TTC21B: variants seen among roughly 807,000 people sequenced by gnomAD.
TTC21B encodes the protein tetratricopeptide repeat domain 21B, also known as tetratricopeptide repeat protein 21B.
TTC21B carries 127 observed loss-of-function variants against 175.1 expected under a neutral mutation model. The observed-to-expected ratio is 0.73, with a 90% CI of 0.63 to 0.84. The LOEUF is 0.84. TTC21B is among the 40% of genes least tolerant of loss of function. The probability of loss-of-function intolerance (pLI) is 0.00; values close to 1 mark genes in which losing one functional copy is unlikely to be tolerated. For missense variants in TTC21B, 1,561 were observed against 1,558.3 expected (o/e 1.00, Z -0.03); for synonymous variants, 524 against 524.5 (o/e 1.00, Z 0.01).
intron 6 of TTC21B, among the ~76,000 whole-genome samples, chr2:165,939,996 C>T (rs1321181236): frequency 1.3e-5 from 2 of 152,164 alleles, no homozygotes; most frequent in Admixed American, 6.5e-5. Flanking sequence ...CTTAGGGTTA[C>T]CCTAGGAATA....
At chr2:165,906,643 C>G (rs1395129987) in intron 19 of TTC21B, among the ~76,000 whole-genome samples, 1 of 151,966 alleles carries the variant, frequency 6.6e-6, no homozygotes, top group Non-Finnish European at 1.5e-5. Context: ...ATGAATTATT[C>G]CAAACATCAA....
intron 8 of TTC21B, among the ~76,000 whole-genome samples, chr2:165,930,776 G>T (rs1490875995): frequency 1.0e-5 from 1 of 99,858 alleles, no homozygotes; most frequent in Non-Finnish European, 2.6e-5. Flanking sequence ...TATAATATAT[G>T]TATGCTTTTT....
chr2:165,929,499 T>TA (rs1403742335), intron 10 of TTC21B, 151 bp downstream of exon 10: 1 of 892,528 alleles, frequency 1.1e-6, no homozygotes, highest in African/African-American at 1.7e-5. Context: ...GAATAAAGTT[T>TA]AGTTTTGAAT....
chr2:165,890,913 A>AAAAAT lies in TTC21B; in HGVS notation c.3021_3025dup (p.Phe1009TyrfsTer57), dbSNP rs1553506928. On this transcript the variant is annotated frameshift_variant, in exon 23 of 29. Transcript: ENST00000243344. LOFTEE classifies it high-confidence loss of function. The stretch of plus-strand genomic sequence containing the variant: ...GGAGTTACGTTTCTCAGCCATTGAG[A>AAAAAT]AAAATCTTGGGACATCCTCGAGTTT... The AAAAAT allele has an allele frequency of 8.1e-6, 13 of 1,613,414 alleles. No individual in the cohort carries two copies. Among genetic ancestry groups the AAAAAT allele is most frequent in the Non-Finnish European group, 1.1e-5 (13 of 1,179,562 alleles).
At chr2:165,883,739 T>C (rs1684909083) in intron 26 of TTC21B, 55 bp downstream of exon 26, 3 of 1,379,380 alleles carry the variant, frequency 2.2e-6, no homozygotes, top group Admixed American at 1.7e-5. Context: ...AATATCTATA[T>C]GGAAAGCTTA....
At chr2:165,913,736 TAG>T in intron 15 of TTC21B, 90 bp from the exon 16 acceptor site, 2 of 1,140,466 alleles carry the variant, frequency 1.8e-6, no homozygotes, top group Non-Finnish European at 2.6e-6. Context: ...TCCCTTATTT[TAG>T]TTAGCCAGTA....
intron 28 of TTC21B, among the ~76,000 whole-genome samples, chr2:165,875,343 A>G (rs1448299050): frequency 6.6e-6 from 1 of 152,024 alleles, no homozygotes; most frequent in East Asian, 1.9e-4. Context: ...AACCTGACTG[A>G]AATACTGCTT....
chr2:165,948,367 A>G (rs1259241652), intron 3 of TTC21B: 1 of 152,226 alleles, frequency 6.6e-6, no homozygotes, highest in African/African-American at 2.4e-5. Flanking sequence ...TGAACCACTT[A>G]TTAGAATTCT....
At chr2:165,935,952 T>A (rs1006614266) in intron 6 of TTC21B, among the ~76,000 whole-genome samples, 2 of 135,828 alleles carry the variant, frequency 1.5e-5, no homozygotes, top group African/African-American at 5.0e-5. Flanking sequence ...TTTGAGGATA[T>A]TGACAAACTC....
intron 6 of TTC21B, 60 bp from the exon 7 acceptor site, chr2:165,933,117 G>A (rs1300539474): frequency 1.3e-6 from 2 of 1,514,480 alleles, no homozygotes; most frequent in Non-Finnish European, 1.8e-6. Context: ...TTTATTCGAG[G>A]GCATGAAAAG....
At position 165,901,719 on chromosome 2, in the gene TTC21B, G is replaced by C; in HGVS notation, c.2757+3C>G. Reference sequence around the variant, plus strand: ...GTATTTAAAATTTTATAAAGGTACTGACCTTATTATCTGTTTCGCAGTGAA... The same window carrying C: ...GTATTTAAAATTTTATAAAGGTACTCACCTTATTATCTGTTTCGCAGTGAA... On this transcript the variant is annotated splice_donor_region_variant and intron_variant, in intron 20 of 28. Coordinates refer to ENST00000243344, the MANE Select transcript of TTC21B (RefSeq NM_024753.5). 6.2e-7 allele frequency: 1 copy of C among 1,612,870 alleles called. No homozygotes were observed. The highest frequency in any genetic ancestry group is 1.7e-4 in the Middle Eastern group (1 of 6,058).
chr2:165,921,543 T>A (rs932653009), intron 12 of TTC21B, among the ~76,000 whole-genome samples: 70 of 152,192 alleles, frequency 4.6e-4, no homozygotes, highest in African/African-American at 1.5e-3. Context: ...TCTAGTAAAT[T>A]AATGAAACTG....
intron 27 of TTC21B, among the ~76,000 whole-genome samples, chr2:165,877,246 A>G (rs1011788806): frequency 4.6e-5 from 7 of 152,238 alleles, no homozygotes; most frequent in African/African-American, 1.4e-4. Flanking sequence ...AGCTCTAATA[A>G]AAGTACCAAA....
rs59806477 is a variant in TTC21B at position 165,947,169 on chromosome 2, C to CATATATATATATATATATATATATAT, written c.263-1480_263-1479insATATATATATATATATATATATATAT. On this transcript the variant is annotated intron_variant, in intron 3 of 28. Coordinates refer to ENST00000243344, the MANE Select transcript of TTC21B (RefSeq NM_024753.5). ...CTCTCTCTCTCTCTCTCCCCTCCCC[C>CATATATATATATATATATATATATAT]ATATATATATATATATATATATATT... is the stretch of plus-strand genomic sequence containing the variant. 7.8e-3 allele frequency: 715 copies of CATATATATATATATATATATATATAT among 91,480 alleles called. 25 individuals carry two copies. The highest frequency in any genetic ancestry group is 0.012 in the East Asian group (25 of 2,102). The allele number at this position is 91,480 out of a possible 1,614,324, so 5.7% of individuals were successfully genotyped here. A position where few individuals can be genotyped will look rare whatever the true frequency, so the allele number is the denominator to read the frequency against.
chr2:165,901,913 AG>A lies in TTC21B; in HGVS notation c.2569-4del. ...ACCCGAGCTTGTAATTCTCGAGCCTAGAAAAAATCAGTATAAAAGGGAATAA... is the reference window on the plus strand; with the variant it reads ...ACCCGAGCTTGTAATTCTCGAGCCTAAAAAAATCAGTATAAAAGGGAATAA... On this transcript the variant is annotated splice_polypyrimidine_tract_variant and splice_region_variant and intron_variant, in intron 19 of 28. Transcript: ENST00000243344. The A allele has an allele frequency of 6.2e-7, 1 of 1,612,696 alleles. No homozygotes were observed. The highest frequency in any genetic ancestry group is 1.1e-5 in the South Asian group (1 of 91,052).
chr2:165,945,596 C>T lies in TTC21B; in HGVS notation c.357G>A (p.Trp119Ter), dbSNP rs764277644. Reference protein sequence around the residue: ...KALYHAGLFLWHIGRHDKARE... With the variant: ...KALYHAGLFL ...TTGCTTTATCATGGCGACCAATGTG[C>T]CATAAAAATAAGCCTGCATGGTATA... Residue 119 changes from tryptophan to a stop codon, truncating the protein, a stop_gained, in exon 4 of 29, where the codon TGG becomes TGA. Coordinates refer to ENST00000243344, the MANE Select transcript of TTC21B (RefSeq NM_024753.5). LOFTEE classifies it high-confidence loss of function. 9 of 1,613,768 alleles carry T rather than the reference C, an allele frequency of 5.6e-6. No homozygotes were observed. Among genetic ancestry groups the T allele is most frequent in the Non-Finnish European group, 7.6e-6 (9 of 1,179,942 alleles).
chr2:165,881,984 G>A (rs1684850300), intron 26 of TTC21B, among the ~76,000 whole-genome samples: 1 of 151,944 alleles, frequency 6.6e-6, no homozygotes, highest in African/African-American at 2.4e-5. Context: ...TATGAATATA[G>A]GAATGCACAT....
intron 6 of TTC21B, among the ~76,000 whole-genome samples, chr2:165,939,622 G>A (rs1687290555): frequency 6.6e-6 from 1 of 152,024 alleles, no homozygotes; most frequent in Admixed American, 6.6e-5. Flanking sequence ...ATGTGTCAGT[G>A]ACTCCAAAAT....
chr2:165,896,488 C>A (rs960460486), intron 22 of TTC21B, among the ~76,000 whole-genome samples: 1 of 152,020 alleles, frequency 6.6e-6, no homozygotes, highest in African/African-American at 2.4e-5. Flanking sequence ...TTCACAAGGG[C>A]TACACAAAAC....
Sources: allele counts gnomAD v4.1 joint callset (sites outside exome capture counted in the v4.1 genomes callset), GRCh38; gene constraint gnomAD v4.1.1; transcripts MANE v1.5; gene names NCBI Gene and HGNC (gene_info 2026-07-23, HGNC 2026-07-21).